The following SLX4IP variants were observed in gnomAD, a reference collection of about 807,000 sequenced individuals.
SLX4IP encodes the protein SLX4 interacting protein.
A neutral mutation model predicts 32.9 loss-of-function variants in SLX4IP; 34 were observed. The observed-to-expected ratio is 1.03, with a 90% CI of 0.79 to 1.38. SLX4IP has a LOEUF of 1.38. Among genes scored for constraint, SLX4IP ranks in the 40% most tolerant of loss-of-function variants. SLX4IP has a pLI of 0.00. For synonymous variants in SLX4IP, 172 were observed against 171.7 expected (o/e 1.00, Z -0.01); for missense variants, 444 against 479.0 (o/e 0.93, Z 0.68).
intron 6 of SLX4IP, 39 bp from the exon 7 acceptor site, chr20:10,621,275 A>G: frequency 6.4e-7 from 1 of 1,569,698 alleles, no homozygotes. Flanking sequence ...TGTTCAGCTA[A>G]TAGATTTCTG....
At chr20:10,502,827 G>T (rs2065730953) in intron 2 of SLX4IP, among the ~76,000 whole-genome samples, 1 of 151,824 alleles carries the variant, frequency 6.6e-6, no homozygotes, top group South Asian at 2.1e-4. Context: ...ATGAAGACAG[G>T]GATTTTTACC....
chr20:10,517,716 G>A (rs1424245665), intron 2 of SLX4IP, among the ~76,000 whole-genome samples: 1 of 152,176 alleles, frequency 6.6e-6, no homozygotes, highest in Non-Finnish European at 1.5e-5. Flanking sequence ...CCCTCCATCT[G>A]TGCTGATGAT....
intron 3 of SLX4IP, among the ~76,000 whole-genome samples, chr20:10,558,074 A>G (rs929343583): frequency 6.6e-6 from 1 of 152,160 alleles, no homozygotes; most frequent in Non-Finnish European, 1.5e-5. Flanking sequence ...GTGCAGTGAC[A>G]CACACCTGTA....
intron 6 of SLX4IP, chr20:10,614,284 A>G (rs1014339842): frequency 1.7e-6 from 1 of 600,474 alleles, no homozygotes; most frequent in South Asian, 2.1e-5. Context: ...GACAGAATTC[A>G]TGAAGTCCTA....
intron 2 of SLX4IP, among the ~76,000 whole-genome samples, chr20:10,520,315 A>G (rs1022381447): frequency 2.0e-5 from 3 of 151,900 alleles, no homozygotes; most frequent in African/African-American, 4.8e-5. Flanking sequence ...CTCCCAAAGT[A>G]CTGGGATTTC....
intron 2 of SLX4IP, among the ~76,000 whole-genome samples, chr20:10,554,063 T>A (rs2066244652): frequency 6.6e-6 from 1 of 152,242 alleles, no homozygotes; most frequent in South Asian, 2.1e-4. Context: ...ACATACCCCA[T>A]CAAGATACAG....
chr20:10,538,746 C>T (rs549748716), intron 2 of SLX4IP, among the ~76,000 whole-genome samples: 2 of 152,214 alleles, frequency 1.3e-5, no homozygotes, highest in East Asian at 1.9e-4. Flanking sequence ...AGGCTGGTCT[C>T]GAACTCCTGA....
At chr20:10,564,552 A>AGT (rs1230475078) in intron 4 of SLX4IP, among the ~76,000 whole-genome samples, 2 of 152,222 alleles carry the variant, frequency 1.3e-5, no homozygotes, top group Admixed American at 6.5e-5. Flanking sequence ...GATAAGCTGA[A>AGT]GTCTCTAGGC....
At position 10,466,236 on chromosome 20, in the gene SLX4IP, T is replaced by C. The variant is rs73896559; in HGVS notation, c.27+8005T>C. Among the ~76,000 whole-genome samples the C allele has an allele frequency of 4.6e-3, 695 of 152,344 alleles. 7 individuals are homozygous for C. Among genetic ancestry groups the C allele is most frequent in the African/African-American group, 0.016 (652 of 41,568 alleles). On this transcript the variant is annotated intron_variant, in intron 2 of 7. Coordinates refer to ENST00000334534, the MANE Select transcript of SLX4IP (RefSeq NM_001009608.3). Reference sequence around the variant, plus strand: ...AGGCATTTGAAAAAGTATAGAATGTTGCCAGGGTCGCTCTCAATAATAATT... The same window carrying C: ...AGGCATTTGAAAAAGTATAGAATGTCGCCAGGGTCGCTCTCAATAATAATT...
At chr20:10,607,345 T>A (rs535601469) in intron 6 of SLX4IP, among the ~76,000 whole-genome samples, 2 of 152,224 alleles carry the variant, frequency 1.3e-5, no homozygotes, top group Non-Finnish European at 2.9e-5. Context: ...AAGGTTCTGC[T>A]GACCTGCATC....
At chr20:10,440,698 C>T (rs1019714455) in intron 1 of SLX4IP, among the ~76,000 whole-genome samples, 1 of 152,134 alleles carries the variant, frequency 6.6e-6, no homozygotes, top group African/African-American at 2.4e-5. Context: ...TGTTCTCCAT[C>T]ATAACAGTTT....
chr20:10,494,081 T>C (rs1031638248), intron 2 of SLX4IP, among the ~76,000 whole-genome samples: 54 of 151,868 alleles, frequency 3.6e-4, no homozygotes, highest in African/African-American at 1.3e-3. Context: ...GATGTGTTGA[T>C]CTTACAATTC....
intron 4 of SLX4IP, among the ~76,000 whole-genome samples, chr20:10,581,289 AG>A (rs2066583633): frequency 6.6e-6 from 1 of 152,112 alleles, no homozygotes. Context: ...CCTGAAAAGT[AG>A]TGATATTTGG....
intron 2 of SLX4IP, among the ~76,000 whole-genome samples, chr20:10,480,270 C>T (rs899407881): frequency 1.3e-5 from 2 of 151,972 alleles, no homozygotes; most frequent in African/African-American, 4.8e-5. Flanking sequence ...TGGCATGCAC[C>T]TGTGGTCCCA....
chr20:10,606,212 T>C (rs1167341401), intron 6 of SLX4IP, among the ~76,000 whole-genome samples: 1 of 152,224 alleles, frequency 6.6e-6, no homozygotes, highest in East Asian at 1.9e-4. Context: ...GGTAGTTATA[T>C]TTGATCTTAA....
intron 7 of SLX4IP, among the ~76,000 whole-genome samples, chr20:10,621,833 G>A (rs1041977260): frequency 1.8e-4 from 28 of 152,254 alleles, no homozygotes; most frequent in African/African-American, 6.5e-4. Context: ...GAAGCTAGCC[G>A]AAATAAATAT....
intron 4 of SLX4IP, 82 bp downstream of exon 4, chr20:10,560,902 A>C: frequency 7.6e-7 from 1 of 1,318,710 alleles, no homozygotes; most frequent in South Asian, 1.9e-5. Flanking sequence ...TTTGACTCTG[A>C]CTGTCATGTT....
At chr20:10,463,045 C>T (rs112665248) in intron 2 of SLX4IP, among the ~76,000 whole-genome samples, 2,206 of 152,252 alleles carry the variant, frequency 0.014, 47 homozygotes, top group African/African-American at 0.048. Flanking sequence ...CATAGAGAGA[C>T]CCTGTCTCTA....
chr20:10,625,049 G>C lies in SLX4IP; in HGVS notation c.*1670G>C, dbSNP rs1183359592. 6.6e-6 allele frequency: 1 copy of C among 152,224 alleles called. No homozygotes were observed. The allele number at this position is 152,224 out of a possible 1,614,324, so 9.4% of individuals were successfully genotyped here. A position where few individuals can be genotyped will look rare whatever the true frequency, so the allele number is the denominator to read the frequency against. ...TGCTCCCAGCGGAACCCAGTCAGGG[G>C]ATTCTATAGGAGAAGAGGGAGCCCA... is the stretch of plus-strand genomic sequence containing the variant. On this transcript the variant is annotated 3_prime_UTR_variant, in exon 8 of 8. Transcript: ENST00000334534.
Sources: allele counts gnomAD v4.1 joint callset (sites outside exome capture counted in the v4.1 genomes callset), GRCh38; gene constraint gnomAD v4.1.1; transcripts MANE v1.5; gene names NCBI Gene and HGNC (gene_info 2026-07-23, HGNC 2026-07-21).